Variants in RELN observed in about 807,000 individuals in gnomAD.
The protein encoded by RELN is reelin.
Under a neutral mutation model 427.6 loss-of-function variants are expected in RELN, and 108 were observed. The observed-to-expected ratio is 0.25, with a 90% CI of 0.22 to 0.30. The LOEUF (loss-of-function observed/expected upper bound fraction) is 0.30, where lower values mean the gene tolerates loss of function less well. Ranked by LOEUF, RELN falls within the 10% of genes least tolerant of loss-of-function variation. RELN has a pLI of 1.00. For missense variants in RELN, 3,715 were observed against 4,302.8 expected (o/e 0.86, Z 3.82); for synonymous variants, 1,524 against 1,513.4 (o/e 1.01, Z -0.16).
intron 2 of RELN, among the ~76,000 whole-genome samples, chr7:103,884,341 T>G (rs980698826): frequency 6.6e-6 from 1 of 152,038 alleles, no homozygotes; most frequent in Admixed American, 6.6e-5. Flanking sequence ...AGAAGAAAAC[T>G]TAGGCAATAC....
At chr7:103,779,666 T>C (rs1166018589) in intron 3 of RELN, among the ~76,000 whole-genome samples, 1 of 152,158 alleles carries the variant, frequency 6.6e-6, no homozygotes, top group Non-Finnish European at 1.5e-5. Flanking sequence ...TTCAAAAATA[T>C]GATGGTAGCT....
intron 3 of RELN, among the ~76,000 whole-genome samples, chr7:103,788,984 C>G (rs1317040680): frequency 3.9e-5 from 6 of 152,014 alleles, no homozygotes; most frequent in Non-Finnish European, 8.8e-5. Flanking sequence ...GGTACCAAAA[C>G]AACAGATACA....
intron 10 of RELN, among the ~76,000 whole-genome samples, chr7:103,689,897 T>C (rs151303838): frequency 6.6e-6 from 1 of 152,240 alleles, no homozygotes; most frequent in East Asian, 1.9e-4. Context: ...TATTCTCAGA[T>C]TGCAGGATGT....
At chr7:103,744,791 A>G (rs1246519449) in intron 6 of RELN, among the ~76,000 whole-genome samples, 1 of 141,646 alleles carries the variant, frequency 7.1e-6, no homozygotes, top group African/African-American at 3.0e-5. Flanking sequence ...CCAACCAAAA[A>G]AAGTCCAGGA....
Position 103,903,851 on chromosome 7 carries a change from T to G in RELN, c.337+13224A>C, listed in dbSNP as rs541594918. On this transcript the variant is annotated intron_variant, in intron 2 of 64. Transcript: ENST00000428762. ...GAGTACATATCTTTTTTTGTTTTTG[T>G]TTTTTTTTAAGTTCCGGGATACATG... is the stretch of plus-strand genomic sequence containing the variant. 9.5e-5 allele frequency among the ~76,000 whole-genome samples: 7 copies of G among 74,040 alleles called. 1 individual carries two copies. The South Asian group carries it at 4.1e-3, about 43-fold the overall frequency. 48.6% of individuals were successfully genotyped at this position (74,040 alleles called of 152,430 possible).
intron 47 of RELN, 140 bp from the exon 48 acceptor site, chr7:103,522,339 A>G: frequency 2.6e-6 from 2 of 778,542 alleles, no homozygotes; most frequent in South Asian, 1.5e-5. Context: ...GCCAGAATAC[A>G]CCTGCTCTCC....
intron 3 of RELN, among the ~76,000 whole-genome samples, chr7:103,778,063 CA>C (rs530118383): frequency 3.7e-4 from 57 of 152,312 alleles, no homozygotes; most frequent in African/African-American, 1.3e-3. Flanking sequence ...CAAAATTACA[CA>C]AAAACAGATG....
chr7:103,743,396 A>C (rs1790723654), intron 6 of RELN, among the ~76,000 whole-genome samples: 1 of 152,206 alleles, frequency 6.6e-6, no homozygotes, highest in Admixed American at 6.5e-5. Context: ...TGACAGAATC[A>C]AGTTCACACA....
intron 20 of RELN, among the ~76,000 whole-genome samples, chr7:103,612,473 C>T (rs1831983304): frequency 6.6e-6 from 1 of 152,160 alleles, no homozygotes; most frequent in South Asian, 2.1e-4. Flanking sequence ...CAGTGTTTCT[C>T]CATGTTGGTC....
intron 10 of RELN, among the ~76,000 whole-genome samples, chr7:103,689,444 TAA>T (rs1833829018): frequency 6.6e-6 from 1 of 152,062 alleles, no homozygotes; most frequent in Non-Finnish European, 1.5e-5. Flanking sequence ...TGAGCAGATA[TAA>T]ACATTTATTA....
At position 103,626,263 on chromosome 7, in the gene RELN, C is replaced by A. The variant is rs1247012619; in HGVS notation, c.2702+3677G>T. ...TGAGAATTTGAAATCAGGCCTACGA[C>A]CTCAAAGCCTATGTTTCTACCACAC... is the stretch of plus-strand genomic sequence containing the variant. On this transcript the variant is annotated intron_variant, in intron 20 of 64. Coordinates refer to ENST00000428762, the MANE Select transcript of RELN (RefSeq NM_005045.4). This position sits in a 1 kb window ranked among gnomAD's most constrained non-coding sequence, Gnocchi z 4.4. 6.6e-6 allele frequency among the ~76,000 whole-genome samples: 1 copy of A among 152,106 alleles called. No individual in the cohort carries two copies. The highest frequency in any genetic ancestry group is 1.5e-5 in the Non-Finnish European group (1 of 67,976).
chr7:103,545,205 A>T lies in RELN; in HGVS notation c.6442T>A (p.Cys2148Ser). ...GQGSCINGTK[C>S]ICDPGYSGPT... ...CCTGAGTAGCCAGGGTCACATATAC[A>T]TTTGGTTCCATTGATACAGCTCCCC... Residue 2148 changes from cysteine to serine, a missense_variant, in exon 42 of 65, where the codon TGT becomes AGT. Coordinates refer to ENST00000428762, the MANE Select transcript of RELN (RefSeq NM_005045.4). 2 of 1,614,152 alleles carry T rather than the reference A, an allele frequency of 1.2e-6. No individual in the cohort carries two copies. The highest frequency in any genetic ancestry group is 1.7e-6 in the Non-Finnish European group (2 of 1,180,020).
intron 46 of RELN, among the ~76,000 whole-genome samples, chr7:103,525,232 AAAATGATGTTTC>A (rs1829796448): frequency 3.3e-5 from 5 of 152,170 alleles, no homozygotes; most frequent in African/African-American, 4.8e-5. Context: ...GATCCCTTTT[AAAATGATGTTTC>A]TTCCATGCTA....
chr7:103,642,297 T>A (rs917466021), intron 16 of RELN, among the ~76,000 whole-genome samples: 5 of 151,936 alleles, frequency 3.3e-5, no homozygotes, highest in Admixed American at 6.6e-5. Flanking sequence ...CTCTATTTTT[T>A]TCTGTGACAT....
At chr7:103,735,084 TA>T (rs989420471) in intron 6 of RELN, among the ~76,000 whole-genome samples, 2 of 151,996 alleles carry the variant, frequency 1.3e-5, no homozygotes, top group African/African-American at 4.8e-5. Flanking sequence ...AACAAAAACA[TA>T]AAAGAATCAG....
chr7:103,978,727 CTCT>C (rs527914215), intron 1 of RELN, among the ~76,000 whole-genome samples: 143 of 152,340 alleles, frequency 9.4e-4, no homozygotes, highest in Non-Finnish European at 1.8e-3. Context: ...CAATTCTGAA[CTCT>C]TCATTTATTG....
rs2116810300 is a variant in RELN at position 103,968,505 on chromosome 7, T to A, written c.226+20626A>T. ...TAGGGGACAGAAAAAAAAATAAAAG[T>A]ATGAAAGAAATTGTAAAAGGTAAGC... On this transcript the variant is annotated intron_variant, in intron 1 of 64. Transcript: ENST00000428762. This position sits in a 1 kb window ranked among gnomAD's most constrained non-coding sequence, Gnocchi z 4.3. Among the ~76,000 whole-genome samples, 1 of 152,054 alleles carries A rather than the reference T, an allele frequency of 6.6e-6. No individual in the cohort carries two copies. Among genetic ancestry groups the A allele is most frequent in the Non-Finnish European group, 1.5e-5 (1 of 67,982 alleles).
chr7:103,794,276 T>C (rs1025086713), intron 3 of RELN, among the ~76,000 whole-genome samples: 8 of 152,092 alleles, frequency 5.3e-5, no homozygotes, highest in Admixed American at 5.2e-4. Flanking sequence ...GTAGCCAGGC[T>C]CGAAAACTAC....
At position 103,674,287 on chromosome 7, in the gene RELN, G is replaced by A. The variant is rs1460334399; in HGVS notation, c.1289+7829C>T. Among the ~76,000 whole-genome samples, 5 of 151,944 alleles carry A rather than the reference G, an allele frequency of 3.3e-5. No homozygotes were observed. In the East Asian group the frequency reaches 7.7e-4, roughly 23 times the overall value. ...TTCTAATTTCACAAATGCAGTGTAC[G>A]CCCTTATCCTGTTGAGGATATTAAT... is the stretch of plus-strand genomic sequence containing the variant. On this transcript the variant is annotated intron_variant, in intron 11 of 64. Transcript: ENST00000428762.
Sources: allele counts gnomAD v4.1 joint callset (sites outside exome capture counted in the v4.1 genomes callset), GRCh38; gene constraint gnomAD v4.1.1; non-coding constraint Gnocchi (gnomAD v3.1); transcripts MANE v1.5; gene names NCBI Gene and HGNC (gene_info 2026-07-23, HGNC 2026-07-21).